Variants in PTPN4 observed in about 807,000 individuals in gnomAD.
PTPN4 encodes the protein tyrosine-protein phosphatase non-receptor type 4.
A neutral mutation model predicts 135.5 loss-of-function variants in PTPN4; 49 were observed. The ratio of observed to expected loss-of-function variants is 0.36; its 90% CI spans 0.29 to 0.46. The LOEUF (loss-of-function observed/expected upper bound fraction) is 0.46. Ranked by LOEUF, PTPN4 falls within the 20% of genes least tolerant of loss-of-function variation. The pLI is 1.00. For synonymous variants in PTPN4, 333 were observed against 369.9 expected, an observed-to-expected ratio of 0.90 and a Z score of 1.14; for missense variants, 860 against 1,101.0, an observed-to-expected ratio of 0.78 and a Z score of 3.10.
intron 3 of PTPN4, among the ~76,000 whole-genome samples, chr2:119,875,412 A>C (rs1677970047): frequency 6.6e-6 from 1 of 152,198 alleles, no homozygotes; most frequent in Non-Finnish European, 1.5e-5. Flanking sequence ...AGGAGAACTG[A>C]ATGAGGAAGA....
At chr2:119,923,682 CTTTTTAT>C (rs1211721632) in intron 12 of PTPN4, among the ~76,000 whole-genome samples, 121 of 151,910 alleles carry the variant, frequency 8.0e-4, no homozygotes, top group African/African-American at 2.6e-3. Flanking sequence ...AAAAAAATAA[CTTTTTAT>C]CAGGTATAAA....
chr2:119,833,174 T>A (rs1339538269), intron 2 of PTPN4, among the ~76,000 whole-genome samples: 1 of 152,158 alleles, frequency 6.6e-6, no homozygotes, highest in Non-Finnish European at 1.5e-5. Flanking sequence ...AATCCATCTT[T>A]AAGTAATTTT....
intron 2 of PTPN4, among the ~76,000 whole-genome samples, chr2:119,813,638 A>G (rs571659806): frequency 6.6e-6 from 1 of 152,218 alleles, no homozygotes; most frequent in Non-Finnish European, 1.5e-5. Context: ...AAGCCATGTA[A>G]TGTTACTTTT....
rs1186494182 is a variant in PTPN4, at chr2:119,983,700, A to G, written c.*6630A>G. 6.6e-6 allele frequency: 1 copy of G among 152,242 alleles called. No individual in the cohort carries two copies. The highest frequency in any genetic ancestry group is 2.4e-5 in the African/African-American group (1 of 41,462). 9.4% of individuals were successfully genotyped at this position (152,242 alleles called of 1,614,324 possible). On this transcript the variant is annotated 3_prime_UTR_variant, in exon 27 of 27. Coordinates refer to ENST00000263708, the MANE Select transcript of PTPN4 (RefSeq NM_002830.4). ...CATTAGATTGGACCCAGGTTTAAAT[A>G]TAATGATCTCTTCACAGCTTATTTG... is the stretch of plus-strand genomic sequence containing the variant.
intron 24 of PTPN4, 86 bp downstream of exon 24, chr2:119,962,830 G>C (rs1001003378): frequency 1.0e-5 from 12 of 1,147,284 alleles, no homozygotes; most frequent in Non-Finnish European, 1.4e-5. Context: ...TTGAGTATTG[G>C]TTGCTAGGAA....
chr2:119,815,659 T>A (rs546056617), intron 2 of PTPN4, among the ~76,000 whole-genome samples: 6 of 152,280 alleles, frequency 3.9e-5, no homozygotes, highest in South Asian at 2.1e-4. Context: ...AGGTTTTTTT[T>A]ATCCCACAGA....
chr2:119,778,437 G>T (rs1395943970), intron 1 of PTPN4, among the ~76,000 whole-genome samples: 1 of 152,208 alleles, frequency 6.6e-6, no homozygotes, highest in Non-Finnish European at 1.5e-5. Flanking sequence ...AGATCTAGAT[G>T]TGTGCATATG....
At chr2:119,883,432 A>G (rs974094451) in intron 8 of PTPN4, among the ~76,000 whole-genome samples, 4 of 152,190 alleles carry the variant, frequency 2.6e-5, no homozygotes, top group Non-Finnish European at 5.9e-5. Context: ...TTCATTAACA[A>G]TATTCATTCA....
At chr2:119,904,591 G>A (rs1443340000) in intron 10 of PTPN4, among the ~76,000 whole-genome samples, 1 of 152,090 alleles carries the variant, frequency 6.6e-6, no homozygotes, top group Non-Finnish European at 1.5e-5. Flanking sequence ...CTCCTCCAAG[G>A]CACTTCATAG....
rs1428122578 is a variant in PTPN4, at chr2:119,982,740, T to G, written c.*5670T>G. 6.6e-6 allele frequency: 1 copy of G among 152,192 alleles called. No individual in the cohort carries two copies. Among genetic ancestry groups the G allele is most frequent in the African/African-American group, 2.4e-5 (1 of 41,442 alleles). 9.4% of individuals were successfully genotyped at this position (152,192 alleles called of 1,614,324 possible). A position where few individuals can be genotyped will look rare whatever the true frequency, so the allele number is the denominator to read the frequency against. On this transcript the variant is annotated 3_prime_UTR_variant, in exon 27 of 27. Coordinates refer to ENST00000263708, the MANE Select transcript of PTPN4 (RefSeq NM_002830.4). ...GACATTGTTGTGAGGGTGTGACTTT[T>G]GTGAAGCCAGAAAACTGTGCCTAAG...
intron 20 of PTPN4, 42 bp from the exon 21 acceptor site, chr2:119,956,802 T>C: frequency 6.3e-7 from 1 of 1,578,584 alleles, no homozygotes; most frequent in Non-Finnish European, 8.5e-7. Flanking sequence ...AGAAATTGTT[T>C]ATGGCTTTTG....
intron 1 of PTPN4, among the ~76,000 whole-genome samples, chr2:119,774,541 A>G (rs1321086462): frequency 2.0e-5 from 3 of 152,228 alleles, no homozygotes; most frequent in South Asian, 2.1e-4. Flanking sequence ...ATAGACTCTA[A>G]TATGATTTGA....
intron 1 of PTPN4, among the ~76,000 whole-genome samples, chr2:119,776,200 G>A (rs367923382): frequency 6.6e-6 from 1 of 152,116 alleles, no homozygotes; most frequent in East Asian, 1.9e-4. Context: ...TTTTGAGACA[G>A]AGTCTCAGTC....
intron 1 of PTPN4, among the ~76,000 whole-genome samples, chr2:119,779,339 T>C (rs1474606284): frequency 6.6e-6 from 1 of 152,180 alleles, no homozygotes; most frequent in African/African-American, 2.4e-5. Flanking sequence ...AATTGTCGGC[T>C]GGGCGCGGTG....
intron 2 of PTPN4, among the ~76,000 whole-genome samples, chr2:119,847,275 TACACACAC>T (rs775485671): frequency 0.026 from 2,797 of 107,434 alleles, 91 homozygotes; most frequent in Non-Finnish European, 0.037. Flanking sequence ...ATACTCTATA[TACACACAC>T]ACACACACAC....
chr2:119,832,114 A>G (rs1386051662), intron 2 of PTPN4, among the ~76,000 whole-genome samples: 1 of 152,166 alleles, frequency 6.6e-6, no homozygotes, highest in Non-Finnish European at 1.5e-5. Context: ...CCTTAATATC[A>G]CTTTTGATTC....
At chr2:119,865,139 A>G (rs911601548) in intron 3 of PTPN4, among the ~76,000 whole-genome samples, 3 of 152,146 alleles carry the variant, frequency 2.0e-5, no homozygotes, top group African/African-American at 7.2e-5. Flanking sequence ...GTCCACAGAA[A>G]GATCTTTAGA....
chr2:119,901,710 C>T (rs573328360), intron 10 of PTPN4, among the ~76,000 whole-genome samples: 1 of 152,048 alleles, frequency 6.6e-6, no homozygotes, highest in African/African-American at 2.4e-5. Context: ...AATTAATATA[C>T]TAAGGGAAAA....
chr2:119,815,637 T>C lies in PTPN4; in HGVS notation c.138+5646T>C, dbSNP rs145433620. ...GAGAAAACAATTGTCAAGTGTTACT[T>C]TTTTGAGAATTAGGTTTTTTTTATC... On this transcript the variant is annotated intron_variant, in intron 2 of 26. Coordinates refer to ENST00000263708, the MANE Select transcript of PTPN4 (RefSeq NM_002830.4). 2.3e-3 allele frequency among the ~76,000 whole-genome samples: 345 copies of C among 152,296 alleles called. 8 individuals are homozygous for C. In the East Asian group the frequency reaches 0.055, roughly 24 times the overall value.
Sources: allele counts gnomAD v4.1 joint callset (sites outside exome capture counted in the v4.1 genomes callset), GRCh38; gene constraint gnomAD v4.1.1; transcripts MANE v1.5; gene names NCBI Gene and HGNC (gene_info 2026-07-23, HGNC 2026-07-21).